BMPR2: variants seen among roughly 807,000 people sequenced by gnomAD.
BMPR2 encodes the protein bone morphogenetic protein receptor type 2.
Under a neutral mutation model 100.8 loss-of-function variants are expected in BMPR2, and 29 were observed. The ratio of observed to expected loss-of-function variants is 0.29; its 90% CI spans 0.21 to 0.39. The LOEUF (loss-of-function observed/expected upper bound fraction) is 0.39. Among genes scored for constraint, BMPR2 ranks in the 10% least tolerant of loss-of-function variants. The pLI is 1.00. For synonymous variants in BMPR2, 382 were observed against 442.3 expected (o/e 0.86, Z 1.71); for missense variants, 1,011 against 1,274.5 (o/e 0.79, Z 3.15).
At chr2:202,482,899 G>GAAT (rs1692688867) in intron 3 of BMPR2, among the ~76,000 whole-genome samples, 1 of 152,072 alleles carries the variant, frequency 6.6e-6, no homozygotes, top group Non-Finnish European at 1.5e-5. Flanking sequence ...TTGTCAGGCT[G>GAAT]GTCGTGAACA....
At position 202,411,727 on chromosome 2, in the gene BMPR2, G is replaced by A. The variant is rs528086098; in HGVS notation, c.76+34177G>A. 7.9e-5 allele frequency among the ~76,000 whole-genome samples: 12 copies of A among 152,134 alleles called. No homozygotes were observed. In the South Asian group the frequency reaches 1.5e-3, roughly 18 times the overall value. ...AGTGCACTGAGAAGGACATAGCATCGCCTCTGTGGTATTTTTTGCCAGGAA... is the reference window on the plus strand; with the variant it reads ...AGTGCACTGAGAAGGACATAGCATCACCTCTGTGGTATTTTTTGCCAGGAA... On this transcript the variant is annotated intron_variant, in intron 1 of 12. Transcript: ENST00000374580.
intron 1 of BMPR2, among the ~76,000 whole-genome samples, chr2:202,396,538 G>A (rs1431076887): frequency 6.6e-6 from 1 of 152,118 alleles, no homozygotes. Flanking sequence ...GGGTCTTTGG[G>A]ACATCTAGGC....
chr2:202,512,768 A>C (rs919107240), intron 3 of BMPR2, among the ~76,000 whole-genome samples: 1 of 152,136 alleles, frequency 6.6e-6, no homozygotes, highest in African/African-American at 2.4e-5. Flanking sequence ...TCTGCAAGTG[A>C]GTAAACTTGG....
chr2:202,378,739 TA>T (rs1374518812), intron 1 of BMPR2, among the ~76,000 whole-genome samples: 2 of 152,336 alleles, frequency 1.3e-5, no homozygotes, highest in Admixed American at 1.3e-4. Flanking sequence ...GATATTTTAA[TA>T]TTTTTAATAA....
At position 202,494,635 on chromosome 2, in the gene BMPR2, G is replaced by A. The variant is rs182838550; in HGVS notation, c.419-19084G>A. ...AGTATTTAACTGAGAAAACTTAATA[G>A]GGAAGAAAAAGAGGGTTTATTAGAG... On this transcript the variant is annotated intron_variant, in intron 3 of 12. Coordinates refer to ENST00000374580, the MANE Select transcript of BMPR2 (RefSeq NM_001204.7). Among the ~76,000 whole-genome samples the A allele has an allele frequency of 2.6e-5, 4 of 152,226 alleles. No homozygotes were observed. In the East Asian group the frequency reaches 5.8e-4, roughly 22 times the overall value.
intron 3 of BMPR2, among the ~76,000 whole-genome samples, chr2:202,504,803 C>G (rs1183162796): frequency 6.6e-6 from 1 of 151,686 alleles, no homozygotes; most frequent in Non-Finnish European, 1.5e-5. Context: ...CCTCAGCCTC[C>G]CGAGTAGCTG....
At chr2:202,523,866 A>T (rs933986014) in intron 7 of BMPR2, among the ~76,000 whole-genome samples, 10 of 152,204 alleles carry the variant, frequency 6.6e-5, no homozygotes, top group African/African-American at 2.4e-4. Flanking sequence ...CACAGCCATA[A>T]AAATGAATGA....
At chr2:202,479,278 A>G (rs1287362882) in intron 3 of BMPR2, among the ~76,000 whole-genome samples, 1 of 152,140 alleles carries the variant, frequency 6.6e-6, no homozygotes, top group East Asian at 1.9e-4. Context: ...TAGTCCAACA[A>G]TTTGTGAACC....
intron 9 of BMPR2, among the ~76,000 whole-genome samples, 166 bp from the exon 10 acceptor site, chr2:202,542,145 C>T (rs1688287608): frequency 6.6e-6 from 1 of 151,522 alleles, no homozygotes; most frequent in African/African-American, 2.4e-5. Flanking sequence ...ATTAAACCTA[C>T]AGCAAGGTCT....
intron 7 of BMPR2, among the ~76,000 whole-genome samples, chr2:202,529,426 A>G (rs898896611): frequency 1.3e-5 from 2 of 152,216 alleles, no homozygotes; most frequent in African/African-American, 4.8e-5. Flanking sequence ...GGCAGTCTAT[A>G]GTTCTGCCCA....
chr2:202,563,298 G>C lies in BMPR2; in HGVS notation c.*3352G>C, dbSNP rs530393171. ...AATATTTTTTAAAAATTAACTGAGC[G>C]TGGTGGTGGGCGCCTGTAGTCCCAG... On this transcript the variant is annotated 3_prime_UTR_variant, in exon 13 of 13. Transcript: ENST00000374580. The C allele has an allele frequency of 6.6e-6, 1 of 152,114 alleles. No individual in the cohort carries two copies. The highest frequency in any genetic ancestry group is 2.4e-5 in the African/African-American group (1 of 41,408). The allele number at this position is 152,114 out of a possible 1,614,324, so 9.4% of individuals were successfully genotyped here. A position where few individuals can be genotyped will look rare whatever the true frequency, so the allele number is the denominator to read the frequency against.
intron 3 of BMPR2, among the ~76,000 whole-genome samples, chr2:202,492,327 C>T (rs531054845): frequency 2.6e-5 from 4 of 151,766 alleles, no homozygotes; most frequent in East Asian, 3.9e-4. Context: ...TAAACATTTT[C>T]GTGTATAATG....
chr2:202,410,287 A>C (rs1020281030), intron 1 of BMPR2, among the ~76,000 whole-genome samples: 8 of 151,860 alleles, frequency 5.3e-5, no homozygotes, highest in African/African-American at 1.9e-4. Flanking sequence ...GCCCGGCCCC[A>C]GATCTTGGTT....
intron 3 of BMPR2, chr2:202,505,279 A>T (rs1687496553): frequency 6.6e-6 from 1 of 151,986 alleles, no homozygotes; most frequent in African/African-American, 2.4e-5. Context: ...GTGCCTCGCA[A>T]ATAGGTCTGT....
chr2:202,444,145 C>T (rs993757751), intron 1 of BMPR2, among the ~76,000 whole-genome samples: 18 of 150,602 alleles, frequency 1.2e-4, no homozygotes, highest in African/African-American at 4.5e-4. Flanking sequence ...ATTCTCTGCT[C>T]GCTTTCTTTT....
Position 202,552,863 on chromosome 2 carries a change from A to T in BMPR2, c.1561A>T (p.Met521Leu), listed in dbSNP as rs1457861692. ...ATCTGTGAGCCCAACAGTCAATCCA[A>T]TGTCTACTGCTATGCAGAATGAACG... is the stretch of plus-strand genomic sequence containing the variant. ...NKSVSPTVNP[M>L]STAMQNERNL... The change falls in exon 11 of 13, where the codon ATG (methionine) becomes TTG (leucine). Residue 521 changes from methionine to leucine, a missense_variant. Physicochemically the swap from Met to Leu is conservative, Grantham distance 15. This residue lies in a region of BMPR2 where 508 missense variants were observed against 552.0 expected (regional missense o/e 0.92). Coordinates refer to ENST00000374580, the MANE Select transcript of BMPR2 (RefSeq NM_001204.7). 5 of 1,614,080 alleles carry T rather than the reference A, an allele frequency of 3.1e-6. No individual in the cohort carries two copies. The highest frequency in any genetic ancestry group is 4.2e-6 in the Non-Finnish European group (5 of 1,180,034).
At chr2:202,404,364 A>G (rs1248538069) in intron 1 of BMPR2, among the ~76,000 whole-genome samples, 1 of 151,644 alleles carries the variant, frequency 6.6e-6, no homozygotes, top group Non-Finnish European at 1.5e-5. Flanking sequence ...GCTAATTTTT[A>G]TATATTTTTT....
At chr2:202,477,781 C>T (rs1225254528) in intron 3 of BMPR2, among the ~76,000 whole-genome samples, 2 of 151,880 alleles carry the variant, frequency 1.3e-5, no homozygotes, top group African/African-American at 2.4e-5. Context: ...AGTGAGACTC[C>T]ATCTCCAAAA....
At chr2:202,440,595 C>G (rs1245844554) in intron 1 of BMPR2, among the ~76,000 whole-genome samples, 1 of 150,702 alleles carries the variant, frequency 6.6e-6, no homozygotes, top group Non-Finnish European at 1.5e-5. Flanking sequence ...AATCTCGGCA[C>G]TTTGGGAGGC....
Sources: allele counts gnomAD v4.1 joint callset (sites outside exome capture counted in the v4.1 genomes callset), GRCh38; gene constraint gnomAD v4.1.1; regional missense constraint gnomAD v4.1.1; transcripts MANE v1.5; gene names NCBI Gene and HGNC (gene_info 2026-07-23, HGNC 2026-07-21).